The following PRPH variants were observed in gnomAD, a reference collection of about 807,000 sequenced individuals.
The protein encoded by PRPH is peripherin.
In PRPH, 48 loss-of-function variants were observed where a neutral mutation model predicts 52.6. The ratio of observed to expected loss-of-function variants is 0.91; its 90% CI spans 0.72 to 1.16. The LOEUF (loss-of-function observed/expected upper bound fraction) is 1.16, where lower values mean the gene tolerates loss of function less well. PRPH is among the 50% of genes most tolerant of loss of function. The pLI, the probability that PRPH is intolerant of heterozygous loss-of-function variation, is 0.00. For missense variants in PRPH, 579 were observed against 635.7 expected, an observed-to-expected ratio of 0.91 and a Z score of 0.96; for synonymous variants, 279 against 283.8, an observed-to-expected ratio of 0.98 and a Z score of 0.17.
chr12:49,297,835 T>G lies in PRPH; in HGVS notation c.1267+109T>G. ...TTCTCCCCACGGAACTTCTGGGTCC[T>G]GGCCTGTACCCACCCCTACTCCTCA... On this transcript the variant is annotated intron_variant, in intron 7 of 8. Coordinates refer to ENST00000257860, the MANE Select transcript of PRPH (RefSeq NM_006262.4). This position sits in a 1 kb window ranked among gnomAD's most constrained non-coding sequence, Gnocchi z 4.4. 1 of 1,586,372 alleles carries G rather than the reference T, an allele frequency of 6.3e-7. No individual in the cohort carries two copies. Among genetic ancestry groups the G allele is most frequent in the South Asian group, 1.1e-5 (1 of 90,504 alleles).
Position 49,297,285 on chromosome 12 carries a change from G to A in PRPH, c.996+12G>A. 1 of 1,613,902 alleles carries A rather than the reference G, an allele frequency of 6.2e-7. No homozygotes were observed. The highest frequency in any genetic ancestry group is 2.2e-5 in the East Asian group (1 of 44,862). ...GGCTGCGCGGCACGGTGAGTACGAA[G>A]CTGCGCGCTCGGGCCCGGGGAGCGG... On this transcript the variant is annotated intron_variant, in intron 5 of 8. Coordinates refer to ENST00000257860, the MANE Select transcript of PRPH (RefSeq NM_006262.4). The surrounding 1 kb of genome is among the most constrained non-coding windows in gnomAD (Gnocchi z 4.4).
rs772670658 is a variant in PRPH, at chr12:49,296,540, G to A, written c.702+13G>A. ...GCTGCACGAGGAGGTAAGTGGGCCC[G>A]GTATCAGGGGCGGTTTCTGAGGTTG... On this transcript the variant is annotated intron_variant, in intron 3 of 8. Coordinates refer to ENST00000257860, the MANE Select transcript of PRPH (RefSeq NM_006262.4). This position sits in a 1 kb window ranked among gnomAD's most constrained non-coding sequence, Gnocchi z 5.1. 4 of 1,612,020 alleles carry A rather than the reference G, an allele frequency of 2.5e-6. No homozygotes were observed. Among genetic ancestry groups the A allele is most frequent in the Admixed American group, 1.7e-5 (1 of 59,922 alleles).
Position 49,298,008 on chromosome 12 carries a change from A to G in PRPH, c.1318A>G (p.Ile440Val), listed in dbSNP as rs1368522131. The G allele has an allele frequency of 1.9e-6, 3 of 1,614,156 alleles. No homozygotes were observed. The change falls in exon 8 of 9, where the codon ATC becomes GTC. Residue 440 changes from isoleucine (I) to valine (V), a missense_variant. Coordinates refer to ENST00000257860, the MANE Select transcript of PRPH (RefSeq NM_006262.4). ...CAGCCACAGCCGGAAGACGGTTCTGATCAAGACCATTGAGACCCGGAATGG... is the reference window on the plus strand; with the variant it reads ...CAGCCACAGCCGGAAGACGGTTCTGGTCAAGACCATTGAGACCCGGAATGG... ...QDSHSRKTVL[I>V]KTIETRNGEV... is the part of the protein sequence containing the mutation.
chr12:49,295,159 C>T lies in PRPH; in HGVS notation c.-42C>T, dbSNP rs759343278. ...CGGTCTGCGGCTCCTTCCCAGCCCC[C>T]GGCCTAGCTCTGCGAACGGTGACTG... On this transcript the variant is annotated 5_prime_UTR_variant, in exon 1 of 9. Coordinates refer to ENST00000257860, the MANE Select transcript of PRPH (RefSeq NM_006262.4). The T allele has an allele frequency of 2.5e-6, 4 of 1,594,656 alleles. No homozygotes were observed. Among genetic ancestry groups the T allele is most frequent in the South Asian group, 1.1e-5 (1 of 88,580 alleles).
Position 49,298,341 on chromosome 12 carries a change from C to T in PRPH, c.1401C>T (p.Ala467=), listed in dbSNP as rs766571598. The T allele has an allele frequency of 2.5e-6, 4 of 1,614,040 alleles. No homozygotes were observed. The Admixed American group carries it at 6.7e-5, about 27-fold the overall frequency. ...EQRSELDKSS[A]HSY ...GCAGTGAGCTGGACAAGTCTTCTGC[C>T]CACAGTTACTGAACCCCTTGGTCCG... is the stretch of plus-strand genomic sequence containing the variant. The change falls in exon 9 of 9, where the codon GCC becomes GCT. Residue 467 remains alanine, a synonymous_variant. Transcript: ENST00000257860.
Position 49,296,163 on chromosome 12 carries a change from C to G in PRPH, c.546-15C>G. 1 of 1,610,870 alleles carries G rather than the reference C, an allele frequency of 6.2e-7. No individual in the cohort carries two copies. The highest frequency in any genetic ancestry group is 8.5e-7 in the Non-Finnish European group (1 of 1,179,644). On this transcript the variant is annotated splice_polypyrimidine_tract_variant and intron_variant, in intron 1 of 8. Coordinates refer to ENST00000257860, the MANE Select transcript of PRPH (RefSeq NM_006262.4). This position sits in a 1 kb window ranked among gnomAD's most constrained non-coding sequence, Gnocchi z 5.1. The stretch of plus-strand genomic sequence containing the variant: ...GCGACCCCGCAGTTCAGCCTCTGCA[C>G]GCTCTTCCCGTCAGGTTGGAGGAGG...
Position 49,297,636 on chromosome 12 carries a change from G to T in PRPH, c.1218-41G>T. The stretch of plus-strand genomic sequence containing the variant: ...GGGTCGGGACTGGGCCGGGCAGGGC[G>T]GGGCCTGGGCAGGGGCGCTGACAAC... On this transcript the variant is annotated intron_variant, in intron 6 of 8. Coordinates refer to ENST00000257860, the MANE Select transcript of PRPH (RefSeq NM_006262.4). This position sits in a 1 kb window ranked among gnomAD's most constrained non-coding sequence, Gnocchi z 4.4. The T allele has an allele frequency of 6.2e-7, 1 of 1,612,444 alleles. No homozygotes were observed.
chr12:49,295,361 C>A lies in PRPH; in HGVS notation c.161C>A (p.Ser54Ter), dbSNP rs1359167260. 2 of 1,609,912 alleles carry A rather than the reference C, an allele frequency of 1.2e-6. No homozygotes were observed. Among genetic ancestry groups the A allele is most frequent in the South Asian group, 2.2e-5 (2 of 90,580 alleles). ...RLLGSASPSS[S>*]VRLGSFRSPR... ...CTGGGCTCCGCGTCCCCGAGCTCCT[C>A]GGTGCGCCTGGGCAGCTTCCGTAGC... Residue 54 changes from serine to a stop codon, truncating the protein, a stop_gained, in exon 1 of 9, where the codon TCG (serine) becomes TAG (stop). Transcript: ENST00000257860. LOFTEE classifies it high-confidence loss of function.
Position 49,297,226 on chromosome 12 carries a change from C to T in PRPH, c.949C>T (p.Arg317Cys). The T allele has an allele frequency of 6.2e-7, 1 of 1,614,036 alleles. No individual in the cohort carries two copies. Among genetic ancestry groups the T allele is most frequent in the Non-Finnish European group, 8.5e-7 (1 of 1,179,988 alleles). Residue 317 changes from arginine (R) to cysteine (C), a missense_variant, in exon 5 of 9, where the codon CGC becomes TGC. Arg to Cys is a radical substitution (Grantham distance 180, BLOSUM62 -3). Coordinates refer to ENST00000257860, the MANE Select transcript of PRPH (RefSeq NM_006262.4). The surrounding 1 kb of genome is among the most constrained non-coding windows in gnomAD (Gnocchi z 4.4). Reference sequence around the variant, plus strand: ...CAAGCAGGAGATGAACGAGTCCCGACGCCAGATCCAGAGTCTAACGTGCGA... The same window carrying T: ...CAAGCAGGAGATGAACGAGTCCCGATGCCAGATCCAGAGTCTAACGTGCGA... ...QAKQEMNESR[R>C]QIQSLTCEVD... is the part of the protein sequence containing the mutation.
chr12:49,296,726 T>G lies in PRPH; in HGVS notation c.703-163T>G, dbSNP rs2070761. ...GCAGCGGGGCTGTACCTCCGAAACCTGGCCTCTGGTCTCGCGCCCGCGGGG... is the reference window on the plus strand; with the variant it reads ...GCAGCGGGGCTGTACCTCCGAAACCGGGCCTCTGGTCTCGCGCCCGCGGGG... On this transcript the variant is annotated intron_variant, in intron 3 of 8. Transcript: ENST00000257860. This position sits in a 1 kb window ranked among gnomAD's most constrained non-coding sequence, Gnocchi z 5.1. The G allele has an allele frequency of 1.1e-5, 13 of 1,232,004 alleles. No individual in the cohort carries two copies. In the Admixed American group the frequency reaches 2.0e-4, roughly 19 times the overall value. 76.3% of individuals were successfully genotyped at this position (1,232,004 alleles called of 1,614,324 possible).
rs1157043047 is a variant in PRPH at position 49,297,247 on chromosome 12, T to A, written c.970T>A (p.Cys324Ser). ...CCGACGCCAGATCCAGAGTCTAACG[T>A]GCGAGGTGGACGGGCTGCGCGGCAC... ...ESRRQIQSLT[C>S]EVDGLRGTNE... The change falls in exon 5 of 9, where the codon TGC (cysteine) becomes AGC (serine). Residue 324 changes from cysteine to serine, a missense_variant. Physicochemically the swap from Cys to Ser is moderately radical, Grantham distance 112. Transcript: ENST00000257860. The surrounding 1 kb of genome is among the most constrained non-coding windows in gnomAD (Gnocchi z 4.4). 6.2e-7 allele frequency: 1 copy of A among 1,613,766 alleles called. No individual in the cohort carries two copies. The highest frequency in any genetic ancestry group is 1.7e-5 in the Admixed American group (1 of 59,976).
chr12:49,298,677 C>G lies in PRPH; in HGVS notation c.*324C>G. On this transcript the variant is annotated 3_prime_UTR_variant, in exon 9 of 9. Transcript: ENST00000257860. The stretch of plus-strand genomic sequence containing the variant: ...ACATTTGAACCAAATAAAATGCTGT[C>G]AAGAGAAAACTCTCCAGTGCATTTG... The G allele has an allele frequency of 2.6e-6, 1 of 389,670 alleles. No individual in the cohort carries two copies. The highest frequency in any genetic ancestry group is 4.8e-6 in the Non-Finnish European group (1 of 206,850). 24.1% of individuals were successfully genotyped at this position (389,670 alleles called of 1,614,324 possible).
Position 49,297,204 on chromosome 12 carries a change from G to A in PRPH, c.927G>A (p.Lys309=). 1.2e-6 allele frequency: 2 copies of A among 1,614,078 alleles called. No homozygotes were observed. Among genetic ancestry groups the A allele is most frequent in the Non-Finnish European group, 1.7e-6 (2 of 1,179,990 alleles). ...ACCACGAGGCCCTGCGCCAGGCCAA[G>A]CAGGAGATGAACGAGTCCCGACGCC... ...NRNHEALRQA[K]QEMNESRRQI... is the part of the protein sequence containing the mutation. The change falls in exon 5 of 9, where the codon AAG becomes AAA. Residue 309 remains lysine (K), a synonymous_variant. Transcript: ENST00000257860. The surrounding 1 kb of genome is among the most constrained non-coding windows in gnomAD (Gnocchi z 4.4).
rs1236043468 is a variant in PRPH, at chr12:49,297,416, G to A, written c.1056G>A (p.Gly352=). 2.5e-6 allele frequency: 4 copies of A among 1,613,320 alleles called. No individual in the cohort carries two copies. In the South Asian group the frequency reaches 3.3e-5, roughly 13 times the overall value. The change falls in exon 6 of 9, where the codon GGG becomes GGA. Residue 352 remains glycine, a synonymous_variant. Transcript: ENST00000257860. This position sits in a 1 kb window ranked among gnomAD's most constrained non-coding sequence, Gnocchi z 4.4. The part of the protein sequence containing the change: ...ELEEQFALEA[G]GYQAGAARLE... ...AGGAGCAGTTCGCCCTGGAGGCGGG[G>A]GGCTACCAGGCGGGCGCTGCGCGGC...
Position 49,298,510 on chromosome 12 carries a change from T to A in PRPH, c.*157T>A. The A allele has an allele frequency of 1.4e-6, 1 of 724,244 alleles. No homozygotes were observed. Among genetic ancestry groups the A allele is most frequent in the Non-Finnish European group, 2.4e-6 (1 of 421,662 alleles). The allele number at this position is 724,244 out of a possible 1,614,324, so 44.9% of individuals were successfully genotyped here. A position where few individuals can be genotyped will look rare whatever the true frequency, so the allele number is the denominator to read the frequency against. ...TGGCCAAGCCCTACCCGGCCAGCAG[T>A]CGCTGGGCCTCTCCCTGCCCTGACA... On this transcript the variant is annotated 3_prime_UTR_variant, in exon 9 of 9. Coordinates refer to ENST00000257860, the MANE Select transcript of PRPH (RefSeq NM_006262.4).
In PRPH at chr12:49,295,384, A is replaced by G; in HGVS notation, c.184A>G (p.Ser62Gly). The G allele has an allele frequency of 6.2e-7, 1 of 1,607,244 alleles. No individual in the cohort carries two copies. The highest frequency in any genetic ancestry group is 1.1e-5 in the South Asian group (1 of 90,196). Residue 62 changes from serine to glycine, a missense_variant, in exon 1 of 9, where the codon AGC becomes GGC. Ser to Gly is a moderately conservative substitution (Grantham distance 56). Coordinates refer to ENST00000257860, the MANE Select transcript of PRPH (RefSeq NM_006262.4). The part of the protein sequence containing the change: ...SSSVRLGSFR[S>G]PRAGAGALLR... ...CTCGGTGCGCCTGGGCAGCTTCCGT[A>G]GCCCCCGAGCGGGAGCGGGCGCCCT...
intron 1 of PRPH, 177 bp downstream of exon 1, chr12:49,295,922 C>A: frequency 6.9e-7 from 1 of 1,443,402 alleles, no homozygotes; most frequent in Non-Finnish European, 9.1e-7. Context: ...GTGCCCCCCG[C>A]TACCCCTTTG....
chr12:49,296,341 A>C lies in PRPH; in HGVS notation c.607-91A>C. The C allele has an allele frequency of 6.4e-7, 1 of 1,561,284 alleles. No homozygotes were observed. Among genetic ancestry groups the C allele is most frequent in the Non-Finnish European group, 8.8e-7 (1 of 1,136,102 alleles). Reference sequence around the variant, plus strand: ...GCGCGGGGAGAAGGGGGTAACCCAGATGCCTCCTGAGGCAGACAGGGAAGG... The same window carrying C: ...GCGCGGGGAGAAGGGGGTAACCCAGCTGCCTCCTGAGGCAGACAGGGAAGG... On this transcript the variant is annotated intron_variant, in intron 2 of 8. Coordinates refer to ENST00000257860, the MANE Select transcript of PRPH (RefSeq NM_006262.4). The surrounding 1 kb of genome is among the most constrained non-coding windows in gnomAD (Gnocchi z 5.1).
Position 49,295,317 on chromosome 12 carries a change from C to A in PRPH, c.117C>A (p.Arg39=). The change falls in exon 1 of 9, where the codon CGC becomes CGA. Residue 39 remains arginine (R), a synonymous_variant. Coordinates refer to ENST00000257860, the MANE Select transcript of PRPH (RefSeq NM_006262.4). The part of the protein sequence containing the change: ...PGAFSYSSSS[R]FSSSRLLGSA... The stretch of plus-strand genomic sequence containing the variant: ...CCTTCTCCTACTCGTCCAGCTCCCG[C>A]TTCTCCAGCAGCCGCCTGCTGGGCT... 1.2e-6 allele frequency: 2 copies of A among 1,611,596 alleles called. No individual in the cohort carries two copies. The highest frequency in any genetic ancestry group is 1.1e-5 in the South Asian group (1 of 90,866).
Sources: allele counts gnomAD v4.1 joint callset, GRCh38; gene constraint gnomAD v4.1.1; non-coding constraint Gnocchi (gnomAD v3.1); transcripts MANE v1.5; gene names NCBI Gene and HGNC (gene_info 2026-07-23, HGNC 2026-07-21).